Variants in HDGF observed in about 807,000 individuals in gnomAD.
HDGF encodes hepatoma-derived growth factor.
In HDGF, 5 loss-of-function variants were observed where a neutral mutation model predicts 30.0. The ratio of observed to expected loss-of-function variants is 0.17; its 90% CI spans 0.09 to 0.35. The LOEUF (loss-of-function observed/expected upper bound fraction) is 0.35, where lower values mean the gene tolerates loss of function less well. HDGF is among the 10% of genes least tolerant of loss of function. The probability of loss-of-function intolerance (pLI) is 1.00; values close to 1 mark genes in which losing one functional copy is unlikely to be tolerated. For synonymous variants in HDGF, 133 were observed against 112.7 expected (o/e 1.18, Z -1.14); for missense variants, 214 against 302.8 (o/e 0.71, Z 2.18).
chr1:156,763,832 C>T (rs191007899), intron 1 of HDGF, among the ~76,000 whole-genome samples: 2 of 152,282 alleles, frequency 1.3e-5, no homozygotes, highest in East Asian at 3.9e-4. Context: ...AGGCAATCCA[C>T]CTGCCTTGGC....
intron 1 of HDGF, chr1:156,759,246 C>T (rs1651203159): frequency 6.6e-6 from 1 of 152,128 alleles, no homozygotes; most frequent in South Asian, 2.1e-4. Flanking sequence ...GAGTGATTTA[C>T]CAAAAAGTCA....
At chr1:156,746,457 T>C (rs1388835576) in intron 1 of HDGF, among the ~76,000 whole-genome samples, 1 of 152,220 alleles carries the variant, frequency 6.6e-6, no homozygotes, top group Non-Finnish European at 1.5e-5. Context: ...AGTCAAACTC[T>C]CATTTTACAG....
chr1:156,754,520 A>C (rs908113786), upstream of HDGF, among the ~76,000 whole-genome samples: 1 of 152,168 alleles, frequency 6.6e-6, no homozygotes, highest in Non-Finnish European at 1.5e-5. Flanking sequence ...CCTAACAACT[A>C]AGCCAAGAGC....
At chr1:156,750,427 A>G (rs1476790135) in intron 1 of HDGF, among the ~76,000 whole-genome samples, 1 of 152,088 alleles carries the variant, frequency 6.6e-6, no homozygotes, top group Non-Finnish European at 1.5e-5. Context: ...TGAGCACACC[A>G]GGCTTGGCTG....
chr1:156,752,401 G>A, upstream of HDGF: 1 of 1,534,462 alleles, frequency 6.5e-7, no homozygotes, highest in Non-Finnish European at 8.8e-7. Context: ...TTGCCAAGGA[G>A]ACTTGGACTC....
At chr1:156,752,002 G>A (rs1157010015), upstream of HDGF, 3 of 1,539,602 alleles carry the variant, frequency 1.9e-6, no homozygotes, top group East Asian at 7.4e-5. Context: ...GGACGGAGCG[G>A]CCCCCGCCCT....
chr1:156,751,327 G>A lies in HDGF; in HGVS notation c.87+16C>T. 6.2e-7 allele frequency: 1 copy of A among 1,605,080 alleles called. No homozygotes were observed. The highest frequency in any genetic ancestry group is 8.5e-7 in the Non-Finnish European group (1 of 1,175,412). On this transcript the variant is annotated intron_variant, in intron 1 of 5. Transcript: ENST00000357325. The surrounding 1 kb of genome is among the most constrained non-coding windows in gnomAD (Gnocchi z 4.7). ...AGCCCGCAGGGGGTTAGGGGGCGGC[G>A]GGCCGCGCTGCTCACCCGGGCCGGC...
At chr1:156,761,057 T>C (rs2102740285) in intron 1 of HDGF, among the ~76,000 whole-genome samples, 1 of 152,086 alleles carries the variant, frequency 6.6e-6, no homozygotes. Flanking sequence ...ACGCCTGTAA[T>C]CCCAGCACAT....
At chr1:156,755,922 G>A (rs1410884204), upstream of HDGF, among the ~76,000 whole-genome samples, 1 of 152,142 alleles carries the variant, frequency 6.6e-6, no homozygotes, top group Non-Finnish European at 1.5e-5. Flanking sequence ...TCCAGAAAAC[G>A]GGGTTGTGAT....
intron 1 of HDGF, among the ~76,000 whole-genome samples, chr1:156,763,876 C>T (rs575358577): frequency 6.6e-6 from 1 of 152,120 alleles, no homozygotes; most frequent in South Asian, 2.1e-4. Context: ...GCATGAGCTA[C>T]CGCGCCTGGC....
chr1:156,765,024 G>A (rs1228148666), intron 1 of HDGF, among the ~76,000 whole-genome samples: 1 of 151,684 alleles, frequency 6.6e-6, no homozygotes. Flanking sequence ...ATTTCACTGT[G>A]TGTTAGTATC....
chr1:156,754,948 C>CAAAAA (rs1651131178), upstream of HDGF, among the ~76,000 whole-genome samples: 1 of 152,152 alleles, frequency 6.6e-6, no homozygotes, highest in East Asian at 1.9e-4. Flanking sequence ...ACCTCCGTCT[C>CAAAAA]AAAAACAAAA....
chr1:156,758,265 T>C (rs1239799538), intron 2 of HDGF, among the ~76,000 whole-genome samples: 1 of 151,130 alleles, frequency 6.6e-6, no homozygotes, highest in Non-Finnish European at 1.5e-5. Context: ...GCCACTGCAC[T>C]CCAGCCTGGG....
chr1:156,745,508 G>A (rs1054653968), intron 1 of HDGF, 135 bp from the exon 2 acceptor site: 6 of 685,188 alleles, frequency 8.8e-6, no homozygotes, highest in East Asian at 8.4e-5. Flanking sequence ...GATGGCTTTT[G>A]GGCCATTTTT....
chr1:156,764,134 T>G (rs1651307560), intron 1 of HDGF, among the ~76,000 whole-genome samples: 1 of 152,144 alleles, frequency 6.6e-6, no homozygotes, highest in South Asian at 2.1e-4. Context: ...CCACGCCTGG[T>G]CTCCAACTCT....
chr1:156,751,198 C>A lies in HDGF; in HGVS notation c.87+145G>T. 8.8e-7 allele frequency: 1 copy of A among 1,141,528 alleles called. No homozygotes were observed. Among genetic ancestry groups the A allele is most frequent in the South Asian group, 2.5e-5 (1 of 39,938 alleles). 70.7% of individuals were successfully genotyped at this position (1,141,528 alleles called of 1,614,324 possible). The stretch of plus-strand genomic sequence containing the variant: ...CACCATTATATAACCGGCGGGTGGG[C>A]TTGGAAGCGACAGAGAAAGAGCCGG... On this transcript the variant is annotated intron_variant, in intron 1 of 5. Transcript: ENST00000357325. The surrounding 1 kb of genome is among the most constrained non-coding windows in gnomAD (Gnocchi z 4.7).
At chr1:156,757,892 CT>C (rs1651178631) in intron 2 of HDGF, among the ~76,000 whole-genome samples, 1 of 152,156 alleles carries the variant, frequency 6.6e-6, no homozygotes, top group African/African-American at 2.4e-5. Flanking sequence ...CCTCATATGG[CT>C]AGTATGGTGT....
At chr1:156,757,614 G>A (rs1651174209) in intron 2 of HDGF, among the ~76,000 whole-genome samples, 1 of 151,992 alleles carries the variant, frequency 6.6e-6, no homozygotes. Flanking sequence ...CCAACATGGT[G>A]AAACCCCACG....
At chr1:156,743,544 C>T in intron 5 of HDGF, 89 bp from the exon 6 acceptor site, 1 of 1,572,838 alleles carries the variant, frequency 6.4e-7, no homozygotes, top group South Asian at 1.1e-5. Context: ...TAGGAGAGCC[C>T]ACCCTGCCTC....
Sources: gnomAD v4.1 joint callset for allele counts (sites outside exome capture counted in the v4.1 genomes callset) on GRCh38, gnomAD v4.1.1 for gene constraint, Gnocchi (gnomAD v3.1) non-coding constraint, MANE v1.5 for transcripts, NCBI Gene and HGNC (gene_info 2026-07-23, HGNC 2026-07-21) for gene names.